ARMS2: variants seen among roughly 807,000 people sequenced by gnomAD.
ARMS2 encodes age-related maculopathy susceptibility protein 2.
Under a neutral mutation model 6.0 loss-of-function variants are expected in ARMS2, and 4 were observed. The ratio of observed to expected loss-of-function variants is 0.67; its 90% CI spans 0.33 to 1.53. The LOEUF is 1.53. Ranked by LOEUF, ARMS2 falls within the 40% of genes most tolerant of loss-of-function variation. The pLI, the probability that ARMS2 is intolerant of heterozygous loss-of-function variation, is 0.06. For missense variants in ARMS2, 99 were observed against 127.6 expected, an observed-to-expected ratio of 0.78 and a Z score of 1.08; for synonymous variants, 49 against 51.7, an observed-to-expected ratio of 0.95 and a Z score of 0.22.
At position 122,456,929 on chromosome 10, in the gene ARMS2, G is replaced by A; in HGVS notation, c.320G>A (p.Arg107Lys). The change falls in exon 2 of 2, where the codon AGG becomes AAG. Residue 107 changes from arginine to lysine, a missense_variant. Coordinates refer to ENST00000528446, the MANE Select transcript of ARMS2 (RefSeq NM_001099667.3). Reference sequence around the variant, plus strand: ...CAGTCTATCATCCACACTGCAGCAAGGTGATTCTGCCAAAACATATCTCCT... The same window carrying A: ...CAGTCTATCATCCACACTGCAGCAAAGTGATTCTGCCAAAACATATCTCCT... The part of the protein sequence containing the change: ...LTLSIIHTAA[R>K] 1 of 1,551,112 alleles carries A rather than the reference G, an allele frequency of 6.4e-7. No individual in the cohort carries two copies. The highest frequency in any genetic ancestry group is 8.7e-7 in the Non-Finnish European group (1 of 1,146,818).
rs918486519 is a variant in ARMS2, at chr10:122,454,836, C to T, written c.109C>T (p.Leu37=). 20 of 1,613,908 alleles carry T rather than the reference C, an allele frequency of 1.2e-5. No homozygotes were observed. The highest frequency in any genetic ancestry group is 8.3e-5 in the Admixed American group (5 of 59,996). The part of the protein sequence containing the change: ...SVVPVSFIST[L]RESVLDPGVG... ...GGTTCCTGTGTCCTTCATTTCCACT[C>T]TGCGAGAGTCTGTGCTGGACCCTGG... The change falls in exon 1 of 2, where the codon CTG becomes TTG. Residue 37 remains leucine, a synonymous_variant. Coordinates refer to ENST00000528446, the MANE Select transcript of ARMS2 (RefSeq NM_001099667.3).
intron 1 of ARMS2, among the ~76,000 whole-genome samples, chr10:122,456,562 G>A (rs920417349): frequency 6.6e-6 from 1 of 151,860 alleles, no homozygotes; most frequent in African/African-American, 2.4e-5. Flanking sequence ...GCTGAGGCAG[G>A]AGAATCGCTA....
chr10:122,455,112 C>G (rs1029957352), intron 1 of ARMS2, 88 bp downstream of exon 1: 9 of 740,842 alleles, frequency 1.2e-5, no homozygotes, highest in South Asian at 1.8e-5. Flanking sequence ...TTTTAACCAG[C>G]CTTCAGGTGC....
chr10:122,455,777 T>C (rs1354548454), intron 1 of ARMS2, among the ~76,000 whole-genome samples: 2 of 152,136 alleles, frequency 1.3e-5, no homozygotes, highest in East Asian at 1.9e-4. Flanking sequence ...AAATTCTGGC[T>C]CATAATGTCC....
intron 1 of ARMS2, among the ~76,000 whole-genome samples, 183 bp downstream of exon 1, chr10:122,455,207 A>G (rs2133898469): frequency 6.6e-6 from 1 of 152,336 alleles, no homozygotes; most frequent in South Asian, 2.1e-4. Context: ...TAGCTGGAGA[A>G]TTGGGAATAT....
rs4752698 is a variant in ARMS2, at chr10:122,457,306, T to G, written c.*373T>G. The G allele has an allele frequency of 0.11, 21,853 of 203,018 alleles. 1,805 individuals are homozygous for G. The highest frequency in any genetic ancestry group is 0.21 in the Middle Eastern group (123 of 594). 12.6% of individuals were successfully genotyped at this position (203,018 alleles called of 1,614,324 possible). ...TTCTTGCCCTCCTTTCTCTCCCGGG[T>G]GATAGGCATTAACTAAAATTAAATA... is the stretch of plus-strand genomic sequence containing the variant. On this transcript the variant is annotated 3_prime_UTR_variant, in exon 2 of 2. Transcript: ENST00000528446.
Position 122,457,039 on chromosome 10 carries a change from C to T in ARMS2, c.*106C>T. The T allele has an allele frequency of 1.4e-6, 2 of 1,439,980 alleles. No homozygotes were observed. The highest frequency in any genetic ancestry group is 1.3e-5 in the South Asian group (1 of 78,284). The allele number at this position is 1,439,980 out of a possible 1,614,324, so 89.2% of individuals were successfully genotyped here. A position where few individuals can be genotyped will look rare whatever the true frequency, so the allele number is the denominator to read the frequency against. ...CAGAGGGAGTCCCTCACAACCTAGA[C>T]TGGTCCCCTTCCCTCCAGCTGCCTC... On this transcript the variant is annotated 3_prime_UTR_variant, in exon 2 of 2. Transcript: ENST00000528446.
chr10:122,457,123 C>A lies in ARMS2; in HGVS notation c.*190C>A. ...CACACTGTGCAACCTGGAATTTCCC[C>A]ACCTGGGCGGACTCATCACGTCATC... On this transcript the variant is annotated 3_prime_UTR_variant, in exon 2 of 2. Transcript: ENST00000528446. 1 of 665,270 alleles carries A rather than the reference C, an allele frequency of 1.5e-6. No homozygotes were observed. The highest frequency in any genetic ancestry group is 2.5e-6 in the Non-Finnish European group (1 of 399,740). 41.2% of individuals were successfully genotyped at this position (665,270 alleles called of 1,614,324 possible). A position where few individuals can be genotyped will look rare whatever the true frequency, so the allele number is the denominator to read the frequency against.
chr10:122,455,022 C>CTGGTAAGAAATGCAGA lies in ARMS2; in HGVS notation c.297+1_297+16dup, dbSNP rs1288012785. On this transcript the variant is annotated frameshift_variant and splice_region_variant, in exon 1 of 2. Coordinates refer to ENST00000528446, the MANE Select transcript of ARMS2 (RefSeq NM_001099667.3). LOFTEE classifies it high-confidence loss of function. ...CCAGCAGCCTCAGCACCACCTGACA[C>CTGGTAAGAAATGCAGA]TGGTAAGAAATGCAGATGATCAGGC... The CTGGTAAGAAATGCAGA allele has an allele frequency of 4.6e-6, 7 of 1,524,466 alleles. No individual in the cohort carries two copies. The highest frequency in any genetic ancestry group is 6.3e-6 in the Non-Finnish European group (7 of 1,105,674). The allele number at this position is 1,524,466 out of a possible 1,614,324, so 94.4% of individuals were successfully genotyped here. A position where few individuals can be genotyped will look rare whatever the true frequency, so the allele number is the denominator to read the frequency against.
chr10:122,455,301 G>A (rs181726730), intron 1 of ARMS2, among the ~76,000 whole-genome samples: 1 of 152,310 alleles, frequency 6.6e-6, no homozygotes, highest in Non-Finnish European at 1.5e-5. Flanking sequence ...GATGGGGTGA[G>A]CAGAAACCCA....
In ARMS2 at chr10:122,454,917, T is replaced by G. The variant is rs1265559058; in HGVS notation, c.190T>G (p.Ser64Ala). 3.1e-6 allele frequency: 5 copies of G among 1,613,822 alleles called. No homozygotes were observed. The South Asian group carries it at 5.5e-5, about 18-fold the overall frequency. The change falls in exon 1 of 2, where the codon TCC (serine) becomes GCC (alanine). Residue 64 changes from serine (S) to alanine (A), a missense_variant. Transcript: ENST00000528446. ...GAGGAGCAAACTGTCTTTATCACAC[T>G]CCATGATCCCAGCTGCTAAAATCCA... is the stretch of plus-strand genomic sequence containing the variant. ...KQRSKLSLSH[S>A]MIPAAKIHTE...
Position 122,456,899 on chromosome 10 carries a change from T to A in ARMS2, c.298-8T>A. On this transcript the variant is annotated splice_region_variant and splice_polypyrimidine_tract_variant and intron_variant, in intron 1 of 1. Transcript: ENST00000528446. The stretch of plus-strand genomic sequence containing the variant: ...AAATGCATATTACTAAATCTATTTT[T>A]TTTTCAGTCTATCATCCACACTGCA... The A allele has an allele frequency of 6.4e-7, 1 of 1,551,382 alleles. No individual in the cohort carries two copies. Among genetic ancestry groups the A allele is most frequent in the Non-Finnish European group, 8.7e-7 (1 of 1,146,892 alleles).
intron 1 of ARMS2, 76 bp from the exon 2 acceptor site, chr10:122,456,826 CTTAAT>C (rs1029072660): frequency 3.8e-5 from 58 of 1,533,812 alleles, no homozygotes; most frequent in African/African-American, 1.2e-4. Flanking sequence ...GCATCTTCAA[CTTAAT>C]TTAAAGTGCT....
Position 122,457,143 on chromosome 10 carries a change from G to A in ARMS2, c.*210G>A, listed in dbSNP as rs765634546. 70 of 577,770 alleles carry A rather than the reference G, an allele frequency of 1.2e-4. No individual in the cohort carries two copies. The highest frequency in any genetic ancestry group is 8.1e-4 in the Middle Eastern group (2 of 2,480). 35.8% of individuals were successfully genotyped at this position (577,770 alleles called of 1,614,324 possible). Reference sequence around the variant, plus strand: ...TTCCCCACCTGGGCGGACTCATCACGTCATCACCAATTGGATGCATCTTCT... The same window carrying A: ...TTCCCCACCTGGGCGGACTCATCACATCATCACCAATTGGATGCATCTTCT... On this transcript the variant is annotated 3_prime_UTR_variant, in exon 2 of 2. Coordinates refer to ENST00000528446, the MANE Select transcript of ARMS2 (RefSeq NM_001099667.3).
rs2097476020 is a variant in ARMS2, at chr10:122,454,912, C to T, written c.185C>T (p.Ser62Leu). 1 of 1,613,876 alleles carries T rather than the reference C, an allele frequency of 6.2e-7. No individual in the cohort carries two copies. The highest frequency in any genetic ancestry group is 8.5e-7 in the Non-Finnish European group (1 of 1,179,834). ...AAGCAGAGGAGCAAACTGTCTTTATCACACTCCATGATCCCAGCTGCTAAA... is the reference window on the plus strand; with the variant it reads ...AAGCAGAGGAGCAAACTGTCTTTATTACACTCCATGATCCCAGCTGCTAAA... ...SDKQRSKLSL[S>L]HSMIPAAKIH... Residue 62 changes from serine to leucine, a missense_variant, in exon 1 of 2, where the codon TCA becomes TTA. Physicochemically the swap from Ser to Leu is moderately radical, Grantham distance 145. Coordinates refer to ENST00000528446, the MANE Select transcript of ARMS2 (RefSeq NM_001099667.3).
In ARMS2 at chr10:122,454,823, C is replaced by T. The variant is rs1591017290; in HGVS notation, c.96C>T (p.Ser32=). 1.2e-6 allele frequency: 2 copies of T among 1,613,874 alleles called. No individual in the cohort carries two copies. Among genetic ancestry groups the T allele is most frequent in the East Asian group, 4.5e-5 (2 of 44,870 alleles). Residue 32 remains serine, a synonymous_variant, in exon 1 of 2, where the codon TCC becomes TCT. Transcript: ENST00000528446. ...ASLSSSVVPV[S]FISTLRESVL... is the part of the protein sequence containing the mutation. ...TGTCCTCCTCGGTGGTTCCTGTGTC[C>T]TTCATTTCCACTCTGCGAGAGTCTG...
chr10:122,455,790 G>GA (rs1261234023), intron 1 of ARMS2, among the ~76,000 whole-genome samples: 4 of 151,990 alleles, frequency 2.6e-5, no homozygotes, highest in African/African-American at 9.7e-5. Flanking sequence ...TAATGTCCTT[G>GA]ATTCAATGTT....
At chr10:122,456,691 C>A (rs1210909743) in intron 1 of ARMS2, among the ~76,000 whole-genome samples, 3 of 150,834 alleles carry the variant, frequency 2.0e-5, no homozygotes, top group Non-Finnish European at 4.4e-5. Flanking sequence ...GTATTTTGAA[C>A]TTCCTCACCT....
Position 122,454,743 on chromosome 10 carries a change from C to G in ARMS2, c.16C>G (p.Pro6Ala). 3 of 1,613,846 alleles carry G rather than the reference C, an allele frequency of 1.9e-6. No individual in the cohort carries two copies. Among genetic ancestry groups the G allele is most frequent in the Non-Finnish European group, 2.5e-6 (3 of 1,179,856 alleles). MLRLYPGPMVTEAEGK... is the reference protein window; with the variant it reads MLRLYAGPMVTEAEGK... ...TGTACCCTACATGCTGCGCCTATAC[C>G]CAGGACCGATGGTAACTGAGGCGGA... The change falls in exon 1 of 2, where the codon CCA (proline) becomes GCA (alanine). Residue 6 changes from proline to alanine, a missense_variant. Coordinates refer to ENST00000528446, the MANE Select transcript of ARMS2 (RefSeq NM_001099667.3).
Sources: gnomAD v4.1 joint callset for allele counts (sites outside exome capture counted in the v4.1 genomes callset) on GRCh38, gnomAD v4.1.1 for gene constraint, MANE v1.5 for transcripts, NCBI Gene and HGNC (gene_info 2026-07-23, HGNC 2026-07-21) for gene names.